Variants in GRK5 observed in about 807,000 individuals in gnomAD.
GRK5 encodes g protein-coupled receptor kinase GRK5.
GRK5 carries 40 observed loss-of-function variants against 78.4 expected under a neutral mutation model. The observed-to-expected ratio is 0.51, with a 90% CI of 0.40 to 0.66. GRK5 has a LOEUF of 0.66. Ranked by LOEUF, GRK5 falls within the 30% of genes least tolerant of loss-of-function variation. The probability of loss-of-function intolerance (pLI) is 0.00; values close to 1 mark genes in which losing one functional copy is unlikely to be tolerated. For missense variants in GRK5, 598 were observed against 759.9 expected (o/e 0.79, Z 2.50); for synonymous variants, 289 against 296.8 (o/e 0.97, Z 0.27).
chr10:119,394,353 GGT>G lies in GRK5; in HGVS notation c.262-2336_262-2335del, dbSNP rs1851974595. The stretch of plus-strand genomic sequence containing the variant: ...CTGTGTGTCTGTGTGTGGGCATGTG[GGT>G]GTGTGGGTGTGTGTGGGTGTCGGTG... On this transcript the variant is annotated intron_variant, in intron 3 of 15. Coordinates refer to ENST00000392870, the MANE Select transcript of GRK5 (RefSeq NM_005308.3). Among the ~76,000 whole-genome samples the G allele has an allele frequency of 3.5e-5, 2 of 57,940 alleles. 1 individual carries two copies. Among genetic ancestry groups the G allele is most frequent in the African/African-American group, 1.5e-4 (2 of 13,510 alleles). 38.0% of individuals were successfully genotyped at this position (57,940 alleles called of 152,430 possible).
intron 4 of GRK5, among the ~76,000 whole-genome samples, chr10:119,405,049 A>C (rs1444573588): frequency 2.0e-5 from 3 of 152,192 alleles, no homozygotes; most frequent in Non-Finnish European, 4.4e-5. Context: ...CCATGGTTGC[A>C]GTGCCCCACC....
chr10:119,369,125 C>A (rs1381350776), intron 2 of GRK5, among the ~76,000 whole-genome samples: 1 of 152,094 alleles, frequency 6.6e-6, no homozygotes, highest in Non-Finnish European at 1.5e-5. Context: ...GTTGGAATCA[C>A]CTAGGGAGCT....
At chr10:119,344,871 A>ACCCT (rs1851053016) in intron 2 of GRK5, among the ~76,000 whole-genome samples, 1 of 47,474 alleles carries the variant, frequency 2.1e-5, no homozygotes, top group Non-Finnish European at 4.8e-5. Flanking sequence ...CACAAGACCC[A>ACCCT]CCCTTCCTTC....
chr10:119,352,477 A>G (rs1851200098), intron 2 of GRK5, among the ~76,000 whole-genome samples: 11 of 152,176 alleles, frequency 7.2e-5, no homozygotes, highest in Admixed American at 7.2e-4. Flanking sequence ...TGGAGGACAA[A>G]CATCCTGCCC....
chr10:119,330,952 C>T (rs996392771), intron 2 of GRK5, among the ~76,000 whole-genome samples: 2 of 152,124 alleles, frequency 1.3e-5, no homozygotes, highest in South Asian at 2.1e-4. Context: ...ACTTGGGAGG[C>T]GGAGGTTGAT....
At chr10:119,303,461 G>C (rs1033356962) in intron 1 of GRK5, among the ~76,000 whole-genome samples, 1 of 152,148 alleles carries the variant, frequency 6.6e-6, no homozygotes, top group Non-Finnish European at 1.5e-5. Flanking sequence ...CAGGGCGAAG[G>C]CTGTGCGATG....
chr10:119,395,350 G>A (rs1035440187), intron 3 of GRK5, among the ~76,000 whole-genome samples: 5 of 152,312 alleles, frequency 3.3e-5, no homozygotes, highest in South Asian at 2.1e-4. Flanking sequence ...TGCGAGTGCC[G>A]CCTGCGTGCT....
At chr10:119,331,132 C>A (rs1205655837) in intron 2 of GRK5, among the ~76,000 whole-genome samples, 2 of 152,196 alleles carry the variant, frequency 1.3e-5, no homozygotes, top group Admixed American at 6.5e-5. Context: ...ACCACCCCCC[C>A]GCCGCGACCA....
At chr10:119,320,033 G>A (rs1272255412) in intron 1 of GRK5, among the ~76,000 whole-genome samples, 1 of 152,244 alleles carries the variant, frequency 6.6e-6, no homozygotes, top group East Asian at 1.9e-4. Context: ...GATCCAGACA[G>A]GGGGCTCTGC....
chr10:119,242,716 G>T (rs905542653), intron 1 of GRK5, among the ~76,000 whole-genome samples: 1 of 151,978 alleles, frequency 6.6e-6, no homozygotes, highest in Non-Finnish European at 1.5e-5. Context: ...GTGATAGTGA[G>T]TGAGTTCTCA....
chr10:119,373,891 C>T (rs927171947), intron 2 of GRK5, among the ~76,000 whole-genome samples: 9 of 152,198 alleles, frequency 5.9e-5, no homozygotes, highest in South Asian at 2.1e-4. Context: ...GCGTAGTCTG[C>T]GGAGGCTTTC....
intron 2 of GRK5, among the ~76,000 whole-genome samples, chr10:119,363,525 G>A (rs1045680034): frequency 9.2e-5 from 14 of 152,208 alleles, no homozygotes; most frequent in Non-Finnish European, 1.6e-4. Flanking sequence ...GGTGGAAGCC[G>A]GTTTGTCCCT....
At chr10:119,366,447 C>G (rs1242761094) in intron 2 of GRK5, among the ~76,000 whole-genome samples, 3 of 152,204 alleles carry the variant, frequency 2.0e-5, no homozygotes, top group African/African-American at 2.4e-5. Context: ...GACAGCACAT[C>G]AGTTACATGA....
chr10:119,262,129 TGA>T (rs1217914459), intron 1 of GRK5, among the ~76,000 whole-genome samples: 1 of 152,118 alleles, frequency 6.6e-6, no homozygotes, highest in Admixed American at 6.5e-5. Context: ...TGTACGTGTG[TGA>T]GTTACTGATT....
chr10:119,452,496 C>G lies in GRK5; in HGVS notation c.1405-175C>G, dbSNP rs1853307495. On this transcript the variant is annotated intron_variant, in intron 13 of 15. Coordinates refer to ENST00000392870, the MANE Select transcript of GRK5 (RefSeq NM_005308.3). This position sits in a 1 kb window ranked among gnomAD's most constrained non-coding sequence, Gnocchi z 4.4. ...CCCAGCCAAGCCACTGGGGCCGACCCCTCCCCTGGACTCACCTGCATCTGA... is the reference window on the plus strand; with the variant it reads ...CCCAGCCAAGCCACTGGGGCCGACCGCTCCCCTGGACTCACCTGCATCTGA... The G allele has an allele frequency of 1.5e-6, 1 of 659,010 alleles. No individual in the cohort carries two copies. Among genetic ancestry groups the G allele is most frequent in the Admixed American group, 3.0e-5 (1 of 33,350 alleles). 40.8% of individuals were successfully genotyped at this position (659,010 alleles called of 1,614,324 possible).
chr10:119,312,316 A>G (rs1288743247), intron 1 of GRK5, among the ~76,000 whole-genome samples: 1 of 152,146 alleles, frequency 6.6e-6, no homozygotes. Context: ...AGAACGTGAG[A>G]GCTGTGCAAA....
chr10:119,292,646 C>T (rs4752279), intron 1 of GRK5, among the ~76,000 whole-genome samples: 104,285 of 152,046 alleles, frequency 0.69, 36,242 homozygotes, highest in East Asian at 0.88. Flanking sequence ...GGTTCCAGGA[C>T]CTCCTGAGGA....
chr10:119,367,564 C>G (rs545608259), intron 2 of GRK5, among the ~76,000 whole-genome samples: 1 of 152,202 alleles, frequency 6.6e-6, no homozygotes, highest in Non-Finnish European at 1.5e-5. Flanking sequence ...GGAGCTGTAT[C>G]TAAGACTCTA....
intron 4 of GRK5, 87 bp downstream of exon 4, chr10:119,396,859 G>A (rs1307610798): frequency 9.9e-7 from 1 of 1,011,864 alleles, no homozygotes; most frequent in Non-Finnish European, 1.6e-6. Context: ...AGGCCACATG[G>A]GGAGCTGTTA....
Sources: allele counts gnomAD v4.1 joint callset (sites outside exome capture counted in the v4.1 genomes callset), GRCh38; gene constraint gnomAD v4.1.1; non-coding constraint Gnocchi (gnomAD v3.1); transcripts MANE v1.5; gene names NCBI Gene and HGNC (gene_info 2026-07-23, HGNC 2026-07-21).